The following DNAH12 variants were observed in gnomAD, a reference collection of about 807,000 sequenced individuals.
DNAH12 encodes the protein dynein axonemal heavy chain 12, also known as axonemal beta dynein heavy chain 12.
DNAH12 carries 285 observed loss-of-function variants against 371.5 expected under a neutral mutation model. The observed-to-expected ratio is 0.77, with a 90% CI of 0.70 to 0.85. The LOEUF (loss-of-function observed/expected upper bound fraction) is 0.85. Among genes scored for constraint, DNAH12 ranks in the 40% least tolerant of loss-of-function variants. The pLI is 0.00. For missense variants in DNAH12, 3,611 were observed against 3,689.4 expected, an observed-to-expected ratio of 0.98 and a Z score of 0.55; for synonymous variants, 1,200 against 1,213.0, an observed-to-expected ratio of 0.99 and a Z score of 0.22.
Position 57,445,378 on chromosome 3 carries a change from C to A in DNAH12, c.4221G>T (p.Ala1407=). The A allele has an allele frequency of 2.6e-6, 4 of 1,550,088 alleles. No individual in the cohort carries two copies. Among genetic ancestry groups the A allele is most frequent in the Non-Finnish European group, 3.5e-6 (4 of 1,146,550 alleles). ...AGTAGAGGGAGATTTCTGCTATAAG[C>A]GCATAGTTTGGAACCATCATAGCCA... The part of the protein sequence containing the change: ...RTVAMMVPNY[A]LIAEISLYSY... Residue 1407 remains alanine (A), a synonymous_variant, in exon 28 of 74, where the codon GCG becomes GCT. Coordinates refer to ENST00000495027, the MANE Select transcript of DNAH12 (RefSeq NM_001366028.2).
intron 28 of DNAH12, 122 bp from the exon 29 acceptor site, chr3:57,444,938 T>G: frequency 7.8e-7 from 1 of 1,279,342 alleles, no homozygotes; most frequent in Non-Finnish European, 1.1e-6. Context: ...CAAAGTTTAT[T>G]TTACATTGCT....
intron 69 of DNAH12, among the ~76,000 whole-genome samples, chr3:57,306,388 A>G (rs532638688): frequency 1.1e-4 from 16 of 152,114 alleles, no homozygotes; most frequent in African/African-American, 3.9e-4. Context: ...AACTTAGACA[A>G]TACTCTTTTA....
intron 43 of DNAH12, among the ~76,000 whole-genome samples, chr3:57,402,733 C>G (rs1432757813): frequency 1.3e-5 from 2 of 152,154 alleles, no homozygotes; most frequent in Admixed American, 6.5e-5. Flanking sequence ...TGGGTACGAA[C>G]ATGCAGTTAG....
rs1047179140 is a variant in DNAH12, at chr3:57,366,052, T to C, written c.9167+677A>G. ...CCTACTGGATTGCATTCCCAAACGG[T>C]TGGGCATTCTAAGTCACAGGATGAG... On this transcript the variant is annotated intron_variant, in intron 57 of 73. Coordinates refer to ENST00000495027, the MANE Select transcript of DNAH12 (RefSeq NM_001366028.2). Among the ~76,000 whole-genome samples the C allele has an allele frequency of 5.9e-5, 9 of 152,074 alleles. No homozygotes were observed. In the South Asian group the frequency reaches 1.0e-3, roughly 18 times the overall value.
At chr3:57,526,192 C>T (rs1397073940) in intron 2 of DNAH12, among the ~76,000 whole-genome samples, 2 of 152,146 alleles carry the variant, frequency 1.3e-5, no homozygotes, top group Non-Finnish European at 2.9e-5. Context: ...TAATTTTTAG[C>T]ACCCACAGAT....
At chr3:57,513,151 A>G (rs1179374198) in intron 4 of DNAH12, among the ~76,000 whole-genome samples, 1 of 151,856 alleles carries the variant, frequency 6.6e-6, no homozygotes, top group East Asian at 1.9e-4. Context: ...AAAAAAAAAA[A>G]TGTGGTACAT....
intron 32 of DNAH12, among the ~76,000 whole-genome samples, chr3:57,431,231 G>A (rs975211691): frequency 6.6e-6 from 1 of 151,888 alleles, no homozygotes; most frequent in Non-Finnish European, 1.5e-5. Context: ...TTTTTTCCCT[G>A]CCACTCAACA....
chr3:57,543,983 G>T (rs2069414766), intron 1 of DNAH12, among the ~76,000 whole-genome samples: 2 of 152,128 alleles, frequency 1.3e-5, no homozygotes, highest in Non-Finnish European at 2.9e-5. Context: ...GGAGGCAGAG[G>T]TTGCAGTGAG....
At chr3:57,448,596 G>A (rs996414775) in intron 25 of DNAH12, among the ~76,000 whole-genome samples, 8 of 152,226 alleles carry the variant, frequency 5.3e-5, no homozygotes, top group East Asian at 1.9e-4. Context: ...CTTCCACAGC[G>A]TGGAATAGAA....
intron 11 of DNAH12, among the ~76,000 whole-genome samples, chr3:57,500,927 A>G (rs992890434): frequency 2.0e-5 from 3 of 151,642 alleles, no homozygotes; most frequent in Non-Finnish European, 4.4e-5. Flanking sequence ...GGCTAATTCA[A>G]AAACAAAAAC....
intron 32 of DNAH12, among the ~76,000 whole-genome samples, chr3:57,432,823 GTGA>G (rs1442114581): frequency 6.6e-6 from 1 of 152,082 alleles, no homozygotes; most frequent in East Asian, 1.9e-4. Flanking sequence ...CATTTTTTAG[GTGA>G]TGATTATGTG....
At chr3:57,504,466 A>C (rs767102790) in intron 8 of DNAH12, among the ~76,000 whole-genome samples, 8 of 152,118 alleles carry the variant, frequency 5.3e-5, no homozygotes, top group Non-Finnish European at 1.2e-4. Context: ...ACTGCAGTGC[A>C]GTGGTGCCAT....
At chr3:57,458,057 G>A (rs1350637167) in intron 21 of DNAH12, 42 bp downstream of exon 21, 3 of 1,536,316 alleles carry the variant, frequency 2.0e-6, no homozygotes, top group African/African-American at 1.4e-5. Flanking sequence ...TCACACATAA[G>A]AAAATGTTTT....
At chr3:57,331,585 TTAGA>T (rs1260214217) in intron 62 of DNAH12, among the ~76,000 whole-genome samples, 2 of 152,148 alleles carry the variant, frequency 1.3e-5, no homozygotes, top group Admixed American at 1.3e-4. Flanking sequence ...AGACAGAGCA[TTAGA>T]TAATGTTCCT....
At chr3:57,352,049 A>G in intron 60 of DNAH12, 36 bp downstream of exon 60, 2 of 1,483,468 alleles carry the variant, frequency 1.3e-6, no homozygotes, top group Non-Finnish European at 1.8e-6. Context: ...GGAGGTTTTA[A>G]AAATAAATAA....
At chr3:57,416,215 C>T (rs1282555336) in intron 37 of DNAH12, among the ~76,000 whole-genome samples, 1 of 152,070 alleles carries the variant, frequency 6.6e-6, no homozygotes, top group African/African-American at 2.4e-5. Context: ...TCCCAAGTAG[C>T]TAGGACTACA....
At chr3:57,478,152 TG>T (rs1476446615) in intron 13 of DNAH12, among the ~76,000 whole-genome samples, 1 of 152,040 alleles carries the variant, frequency 6.6e-6, no homozygotes, top group African/African-American at 2.4e-5. Context: ...TTCGAACCCA[TG>T]GCAAAGAAGT....
chr3:57,415,553 A>G lies in DNAH12; in HGVS notation c.5726T>C (p.Phe1909Ser), dbSNP rs1448496009. The stretch of plus-strand genomic sequence containing the variant: ...TTTTCCTGTACCCGTTGGACCCACA[A>G]AAAGGAGTGGCCTTAATGAAAACAA... ...LSITYAKPLLFVGPTGTGKSV... is the reference protein window; with the variant it reads ...LSITYAKPLLSVGPTGTGKSV... Residue 1909 changes from phenylalanine to serine, a missense_variant, in exon 38 of 74, where the codon TTT becomes TCT. By Grantham distance (155) the Phe-to-Ser change is radical. Transcript: ENST00000495027. The G allele has an allele frequency of 1.9e-5, 29 of 1,539,006 alleles. 1 individual carries two copies. The highest frequency in any genetic ancestry group is 1.4e-4 in the South Asian group (11 of 80,568).
chr3:57,436,255 T>C (rs1454997207), intron 30 of DNAH12, among the ~76,000 whole-genome samples: 5 of 152,100 alleles, frequency 3.3e-5, no homozygotes, highest in African/African-American at 1.2e-4. Context: ...AAATACAAAA[T>C]GTCCATAGCC....
Sources: gnomAD v4.1 joint callset for allele counts (sites outside exome capture counted in the v4.1 genomes callset) on GRCh38, gnomAD v4.1.1 for gene constraint, MANE v1.5 for transcripts, NCBI Gene and HGNC (gene_info 2026-07-23, HGNC 2026-07-21) for gene names.